NARS2: variants seen among roughly 807,000 people sequenced by gnomAD.
NARS2 encodes asparaginyl-tRNA synthetase 2, mitochondrial.
Under a neutral mutation model 62.9 loss-of-function variants are expected in NARS2, and 60 were observed. The ratio of observed to expected loss-of-function variants is 0.95; its 90% CI spans 0.77 to 1.18. The LOEUF is 1.18. Ranked by LOEUF, NARS2 falls within the 50% of genes most tolerant of loss-of-function variation. NARS2 has a pLI of 0.00. For synonymous variants in NARS2, 196 were observed against 200.0 expected (o/e 0.98, Z 0.17); for missense variants, 619 against 576.4 (o/e 1.07, Z -0.76).
chr11:78,515,720 T>C (rs1197225725), intron 6 of NARS2, among the ~76,000 whole-genome samples: 2 of 148,920 alleles, frequency 1.3e-5, no homozygotes, highest in Non-Finnish European at 1.5e-5. Context: ...TAAGAGGGAG[T>C]CTTGCTATTG....
intron 9 of NARS2, among the ~76,000 whole-genome samples, chr11:78,471,659 C>T (rs953025711): frequency 6.6e-6 from 1 of 151,066 alleles, no homozygotes; most frequent in Admixed American, 6.6e-5. Flanking sequence ...GCATTACGTA[C>T]ATCTCCCAAT....
At chr11:78,517,050 C>T (rs1233033949) in intron 6 of NARS2, among the ~76,000 whole-genome samples, 1 of 151,948 alleles carries the variant, frequency 6.6e-6, no homozygotes, top group Non-Finnish European at 1.5e-5. Context: ...AAAGGCATGG[C>T]GAAAGCAAAT....
chr11:78,455,159 A>G (rs1476928390), intron 11 of NARS2, among the ~76,000 whole-genome samples: 1 of 152,048 alleles, frequency 6.6e-6, no homozygotes, highest in African/African-American at 2.4e-5. Context: ...GAATACATAC[A>G]ATGCCTCTCT....
At chr11:78,508,587 C>CA (rs796557623) in intron 6 of NARS2, among the ~76,000 whole-genome samples, 6,565 of 57,532 alleles carry the variant, frequency 0.11, 501 homozygotes, top group African/African-American at 0.24. Flanking sequence ...GACTCCATCT[C>CA]AAAAAAAAAA....
At chr11:78,566,532 C>G (rs1856751957) in intron 3 of NARS2, among the ~76,000 whole-genome samples, 1 of 152,222 alleles carries the variant, frequency 6.6e-6, no homozygotes, top group Admixed American at 6.5e-5. Flanking sequence ...TGAAGCTCAT[C>G]TGTTATTTAT....
intron 5 of NARS2, among the ~76,000 whole-genome samples, chr11:78,548,736 G>A (rs1358911119): frequency 2.0e-5 from 3 of 151,926 alleles, no homozygotes; most frequent in South Asian, 2.1e-4. Context: ...CTTCTGACAT[G>A]ACAGTGTGGG....
At chr11:78,498,986 G>A (rs1203635457) in intron 6 of NARS2, among the ~76,000 whole-genome samples, 1 of 122,326 alleles carries the variant, frequency 8.2e-6, no homozygotes, top group East Asian at 2.5e-4. Context: ...GCACGATCTC[G>A]GCTCACTGCA....
intron 7 of NARS2, among the ~76,000 whole-genome samples, chr11:78,486,944 A>G (rs1411265732): frequency 6.6e-6 from 1 of 152,230 alleles, no homozygotes; most frequent in African/African-American, 2.4e-5. Flanking sequence ...GAATTGGAAA[A>G]TATGTGAAAT....
chr11:78,512,901 C>T (rs1860768660), intron 6 of NARS2, among the ~76,000 whole-genome samples: 1 of 152,124 alleles, frequency 6.6e-6, no homozygotes, highest in South Asian at 2.1e-4. Context: ...TCCATTTCCT[C>T]AAGCATTTAT....
chr11:78,493,142 T>A lies in NARS2; in HGVS notation c.743A>T (p.Gln248Leu). 6.2e-7 allele frequency: 1 copy of A among 1,613,920 alleles called. No individual in the cohort carries two copies. The change falls in exon 7 of 14, where the codon CAG (glutamine) becomes CTG (leucine). Residue 248 changes from glutamine (Q) to leucine (L), a missense_variant. Transcript: ENST00000281038. ...FGPTFRAENS[Q>L]SRRHLAEFYM... Reference sequence around the variant, plus strand: ...AAACTCTGCCAGGTGCCTCCGGCTCTGAGAATTTTCAGCTCGGAAGGTCGG... The same window carrying A: ...AAACTCTGCCAGGTGCCTCCGGCTCAGAGAATTTTCAGCTCGGAAGGTCGG...
intron 7 of NARS2, among the ~76,000 whole-genome samples, chr11:78,481,622 A>G (rs904500798): frequency 6.6e-6 from 1 of 152,158 alleles, no homozygotes. Flanking sequence ...CTCCACAAAT[A>G]AGTTGAAAAA....
chr11:78,437,342 T>C (rs1465113342), intron 13 of NARS2, among the ~76,000 whole-genome samples: 1 of 152,178 alleles, frequency 6.6e-6, no homozygotes, highest in Non-Finnish European at 1.5e-5. Context: ...ACCAGGGAGC[T>C]CTAGAGTAGG....
At chr11:78,517,051 G>C (rs972435372) in intron 6 of NARS2, among the ~76,000 whole-genome samples, 1 of 152,190 alleles carries the variant, frequency 6.6e-6, no homozygotes, top group African/African-American at 2.4e-5. Flanking sequence ...AAGGCATGGC[G>C]AAAGCAAATT....
chr11:78,559,203 C>T (rs574216862), intron 5 of NARS2, among the ~76,000 whole-genome samples: 10 of 139,390 alleles, frequency 7.2e-5, no homozygotes, highest in Admixed American at 1.6e-4. Flanking sequence ...CTCGGGAGGC[C>T]GAGGCAGGAG....
At chr11:78,487,626 C>T (rs915106261) in intron 7 of NARS2, among the ~76,000 whole-genome samples, 10 of 151,764 alleles carry the variant, frequency 6.6e-5, no homozygotes, top group South Asian at 2.1e-4. Context: ...AGGATAAACT[C>T]GAAGAAAATT....
chr11:78,513,703 G>A (rs138693475), intron 6 of NARS2, among the ~76,000 whole-genome samples: 1 of 152,192 alleles, frequency 6.6e-6, no homozygotes, highest in East Asian at 1.9e-4. Flanking sequence ...GCTTGAACCT[G>A]GGAGGCAGTT....
At chr11:78,448,354 T>C (rs904365797) in intron 11 of NARS2, among the ~76,000 whole-genome samples, 3 of 151,544 alleles carry the variant, frequency 2.0e-5, no homozygotes, top group East Asian at 3.9e-4. Context: ...TCTCGCTCTG[T>C]AGGCCAGGCT....
chr11:78,452,924 CAT>C (rs1565207404), intron 11 of NARS2, among the ~76,000 whole-genome samples: 1 of 152,178 alleles, frequency 6.6e-6, no homozygotes. Flanking sequence ...AGAAGATACA[CAT>C]AGTTTATCTG....
chr11:78,436,640 G>A lies in NARS2; in HGVS notation c.*30C>T, dbSNP rs745578665. On this transcript the variant is annotated 3_prime_UTR_variant, in exon 14 of 14. Transcript: ENST00000281038. ...AATCATGTGCAGTGTCTCTGCCATG[G>A]GGGGTGCTTTTCCTTAACCAATCTT... The A allele has an allele frequency of 2.5e-5, 41 of 1,612,838 alleles. No individual in the cohort carries two copies. The South Asian group carries it at 4.1e-4, about 16-fold the overall frequency.
Sources: gnomAD v4.1 joint callset for allele counts (sites outside exome capture counted in the v4.1 genomes callset) on GRCh38, gnomAD v4.1.1 for gene constraint, MANE v1.5 for transcripts, NCBI Gene and HGNC (gene_info 2026-07-23, HGNC 2026-07-21) for gene names.